GPC6: variants seen among roughly 807,000 people sequenced by gnomAD.
The protein encoded by GPC6 is glypican-6.
A neutral mutation model predicts 55.2 loss-of-function variants in GPC6; 14 were observed. The ratio of observed to expected loss-of-function variants is 0.25; its 90% CI spans 0.17 to 0.40. The LOEUF is 0.40. Ranked by LOEUF, GPC6 falls within the 10% of genes least tolerant of loss-of-function variation. GPC6 has a pLI of 1.00. For missense variants in GPC6, 641 were observed against 708.5 expected (o/e 0.90, Z 1.08); for synonymous variants, 278 against 259.6 (o/e 1.07, Z -0.68).
At chr13:94,170,382 G>T (rs17196050) in intron 4 of GPC6, among the ~76,000 whole-genome samples, 1 of 151,966 alleles carries the variant, frequency 6.6e-6, no homozygotes, top group Non-Finnish European at 1.5e-5. Flanking sequence ...CTCAGCCTCC[G>T]AAGGGTGCCA....
chr13:93,614,101 A>G (rs1426409681), intron 2 of GPC6, among the ~76,000 whole-genome samples: 1 of 152,188 alleles, frequency 6.6e-6, no homozygotes, highest in African/African-American at 2.4e-5. Flanking sequence ...TTCTCCTCAA[A>G]TATGTTTTGA....
intron 3 of GPC6, among the ~76,000 whole-genome samples, chr13:93,919,517 A>G (rs923441275): frequency 2.6e-5 from 4 of 152,196 alleles, no homozygotes; most frequent in Non-Finnish European, 5.9e-5. Context: ...GCCTCCTTTC[A>G]TAAAAATGTC....
chr13:93,945,315 T>C (rs571240074), intron 3 of GPC6, among the ~76,000 whole-genome samples: 2 of 152,336 alleles, frequency 1.3e-5, no homozygotes, highest in Admixed American at 1.3e-4. Context: ...AGGAGACTTT[T>C]ACCCAACTGA....
intron 6 of GPC6, among the ~76,000 whole-genome samples, chr13:94,306,985 T>C (rs1266602968): frequency 6.6e-6 from 1 of 152,228 alleles, no homozygotes; most frequent in Non-Finnish European, 1.5e-5. Flanking sequence ...TCATATAAAC[T>C]TAGATCTCAA....
intron 4 of GPC6, among the ~76,000 whole-genome samples, chr13:94,076,519 T>C (rs1884920290): frequency 6.6e-6 from 1 of 152,026 alleles, no homozygotes; most frequent in Non-Finnish European, 1.5e-5. Flanking sequence ...TCTTGTTTCA[T>C]GTGCTTTGGG....
At chr13:93,414,331 A>G (rs1474452774) in intron 1 of GPC6, among the ~76,000 whole-genome samples, 5 of 152,070 alleles carry the variant, frequency 3.3e-5, no homozygotes, top group Non-Finnish European at 7.4e-5. Context: ...ACTAAGGGAG[A>G]ATTCTTTTTG....
chr13:94,033,348 T>A (rs1162560153), intron 4 of GPC6, among the ~76,000 whole-genome samples: 1 of 152,186 alleles, frequency 6.6e-6, no homozygotes, highest in Non-Finnish European at 1.5e-5. Flanking sequence ...CAATGACTAA[T>A]GTCATGTAAT....
At chr13:93,714,377 A>C (rs1436420623) in intron 2 of GPC6, among the ~76,000 whole-genome samples, 1 of 151,952 alleles carries the variant, frequency 6.6e-6, no homozygotes, top group Admixed American at 6.6e-5. Flanking sequence ...TCAAAACCAC[A>C]ATGAGATACC....
upstream of GPC6, among the ~76,000 whole-genome samples, chr13:93,225,216 A>G (rs182538766): frequency 6.6e-6 from 1 of 152,358 alleles, no homozygotes; most frequent in Admixed American, 6.5e-5. Context: ...ATGCTTTACT[A>G]TGATACAAAG....
chr13:94,114,615 C>T (rs1272643618), intron 4 of GPC6, among the ~76,000 whole-genome samples: 3 of 152,086 alleles, frequency 2.0e-5, no homozygotes, highest in Non-Finnish European at 4.4e-5. Context: ...TAAATTTATT[C>T]CTCAGGTGTA....
intron 4 of GPC6, among the ~76,000 whole-genome samples, chr13:94,239,397 T>G (rs1179794884): frequency 2.6e-5 from 4 of 152,154 alleles, no homozygotes; most frequent in Non-Finnish European, 5.9e-5. Context: ...TAATTTGTAT[T>G]TGAGCATAAC....
intron 3 of GPC6, among the ~76,000 whole-genome samples, chr13:93,954,705 G>T (rs1320403878): frequency 3.8e-4 from 58 of 152,122 alleles, no homozygotes; most frequent in Non-Finnish European, 1.5e-5. Context: ...TGCCTGGGAA[G>T]CTCCCAGCAG....
chr13:93,425,174 A>G (rs1877077209), intron 1 of GPC6, among the ~76,000 whole-genome samples: 1 of 152,318 alleles, frequency 6.6e-6, no homozygotes, highest in East Asian at 1.9e-4. Context: ...ATGAATTACA[A>G]AAGTTTTAAG....
At chr13:93,796,067 G>A (rs934444179) in intron 2 of GPC6, among the ~76,000 whole-genome samples, 6 of 151,046 alleles carry the variant, frequency 4.0e-5, no homozygotes, top group African/African-American at 1.2e-4. Flanking sequence ...ATGGTGGCGT[G>A]TGCCTGTAGT....
intron 1 of GPC6, among the ~76,000 whole-genome samples, chr13:93,296,823 TAGTC>T (rs137980793): frequency 0.012 from 1,808 of 152,284 alleles, 25 homozygotes; most frequent in African/African-American, 0.04. Context: ...CACAGTGACT[TAGTC>T]AGTGAATGCC....
Position 94,054,114 on chromosome 13 carries a change from C to T in GPC6, c.877+26220C>T, listed in dbSNP as rs528714906. Reference sequence around the variant, plus strand: ...TGTTCACCAGATGGCATTCTGAGTCCGGATATAAGCTGTTCAGGTCCTATG... The same window carrying T: ...TGTTCACCAGATGGCATTCTGAGTCTGGATATAAGCTGTTCAGGTCCTATG... On this transcript the variant is annotated intron_variant, in intron 4 of 8. Transcript: ENST00000377047. 7.2e-5 allele frequency among the ~76,000 whole-genome samples: 11 copies of T among 152,148 alleles called. No homozygotes were observed. The East Asian group carries it at 1.4e-3, about 19-fold the overall frequency.
At chr13:93,586,909 G>A (rs1415642506) in intron 2 of GPC6, among the ~76,000 whole-genome samples, 1 of 152,110 alleles carries the variant, frequency 6.6e-6, no homozygotes, top group East Asian at 1.9e-4. Context: ...TATGTTTCAT[G>A]GTGAAATGTT....
At chr13:94,137,581 T>C (rs561907166) in intron 4 of GPC6, among the ~76,000 whole-genome samples, 52 of 152,326 alleles carry the variant, frequency 3.4e-4, no homozygotes, top group Non-Finnish European at 6.5e-4. Context: ...TTGTTGTTGT[T>C]AACAATTATA....
intron 2 of GPC6, among the ~76,000 whole-genome samples, chr13:93,681,686 G>T (rs1383011302): frequency 6.6e-6 from 1 of 152,064 alleles, no homozygotes; most frequent in Admixed American, 6.6e-5. Context: ...CAGTTTTAAA[G>T]GAAGCAATCC....
Sources: gnomAD v4.1 joint callset for allele counts (sites outside exome capture counted in the v4.1 genomes callset) on GRCh38, gnomAD v4.1.1 for gene constraint, MANE v1.5 for transcripts, NCBI Gene and HGNC (gene_info 2026-07-23, HGNC 2026-07-21) for gene names.